YEATS2: variants seen among roughly 807,000 people sequenced by gnomAD.
YEATS2 encodes YEATS domain containing 2.
Under a neutral mutation model 163.2 loss-of-function variants are expected in YEATS2, and 77 were observed. The observed-to-expected ratio is 0.47, with a 90% CI of 0.39 to 0.57. The LOEUF (loss-of-function observed/expected upper bound fraction) is 0.57. YEATS2 is among the 20% of genes least tolerant of loss of function. The probability of loss-of-function intolerance (pLI) is 0.00; values close to 1 mark genes in which losing one functional copy is unlikely to be tolerated. For synonymous variants in YEATS2, 631 were observed against 645.1 expected (o/e 0.98, Z 0.33); for missense variants, 1,549 against 1,729.8 (o/e 0.90, Z 1.85).
chr3:183,795,483 T>TTTTTA (rs146253574), intron 21 of YEATS2, among the ~76,000 whole-genome samples: 1,310 of 123,950 alleles, frequency 0.011, 134 homozygotes, highest in South Asian at 0.015. Context: ...TTTTTTTTTT[T>TTTTTA]AGAGACGGGG....
At chr3:183,764,368 T>TAAAAAAA (rs11452949) in intron 15 of YEATS2, among the ~76,000 whole-genome samples, 2 of 105,228 alleles carry the variant, frequency 1.9e-5, no homozygotes, top group African/African-American at 3.7e-5. Context: ...AAACTCTGTT[T>TAAAAAAA]AAAAAAAAAA....
chr3:183,717,279 C>G (rs1175420632), intron 2 of YEATS2, among the ~76,000 whole-genome samples: 1 of 152,188 alleles, frequency 6.6e-6, no homozygotes, highest in Non-Finnish European at 1.5e-5. Context: ...TCTCTTTAGT[C>G]TCTCTCAGTC....
At chr3:183,700,885 G>A (rs940777373) in intron 1 of YEATS2, among the ~76,000 whole-genome samples, 6 of 151,858 alleles carry the variant, frequency 4.0e-5, no homozygotes, top group African/African-American at 1.5e-4. Context: ...AGTTGCCAGG[G>A]GGATGAAGGG....
chr3:183,786,701 G>A (rs1483796957), intron 20 of YEATS2, among the ~76,000 whole-genome samples: 1 of 152,142 alleles, frequency 6.6e-6, no homozygotes, highest in East Asian at 1.9e-4. Flanking sequence ...CTGATGCTTA[G>A]CATTACAGTG....
intron 30 of YEATS2, chr3:183,809,493 A>T: frequency 4.8e-6 from 1 of 206,610 alleles, no homozygotes; most frequent in Non-Finnish European, 9.7e-6. Context: ...GTCAGACACG[A>T]GGGCCAAGCG....
At chr3:183,758,169 C>T (rs1228366120) in intron 12 of YEATS2, among the ~76,000 whole-genome samples, 1 of 152,142 alleles carries the variant, frequency 6.6e-6, no homozygotes, top group Non-Finnish European at 1.5e-5. Flanking sequence ...AGCAGCCTGG[C>T]TAACATGGCG....
chr3:183,701,923 C>T (rs986129498), intron 1 of YEATS2, among the ~76,000 whole-genome samples: 2 of 152,096 alleles, frequency 1.3e-5, no homozygotes, highest in South Asian at 2.1e-4. Context: ...GATAAACAGC[C>T]CTTGCCTAGA....
At chr3:183,788,571 C>A (rs1399235269) in intron 20 of YEATS2, among the ~76,000 whole-genome samples, 1 of 152,178 alleles carries the variant, frequency 6.6e-6, no homozygotes, top group Non-Finnish European at 1.5e-5. Flanking sequence ...TAGGTTGATT[C>A]CAAATCTTGG....
intron 11 of YEATS2, among the ~76,000 whole-genome samples, chr3:183,754,820 A>T (rs528088913): frequency 6.6e-6 from 1 of 152,154 alleles, no homozygotes; most frequent in Non-Finnish European, 1.5e-5. Context: ...ATTCATTCCT[A>T]TTGTCAGTAG....
intron 7 of YEATS2, among the ~76,000 whole-genome samples, chr3:183,730,087 TG>T: frequency 2.2e-5 from 2 of 89,970 alleles, no homozygotes; most frequent in Non-Finnish European, 4.1e-5. Flanking sequence ...TTTTTTTTTT[TG>T]GAGACACATC....
intron 8 of YEATS2, among the ~76,000 whole-genome samples, chr3:183,740,858 T>C (rs1256407861): frequency 6.6e-6 from 1 of 152,226 alleles, no homozygotes; most frequent in Non-Finnish European, 1.5e-5. Context: ...TCTAGGACTT[T>C]CATAGCTAGA....
intron 3 of YEATS2, among the ~76,000 whole-genome samples, chr3:183,718,164 C>T (rs942185069): frequency 1.2e-4 from 18 of 152,100 alleles, no homozygotes; most frequent in African/African-American, 4.3e-4. Flanking sequence ...GAATATCTTA[C>T]GTGTCCCATA....
chr3:183,798,376 C>CA (rs773254419), intron 22 of YEATS2, among the ~76,000 whole-genome samples: 3 of 152,148 alleles, frequency 2.0e-5, no homozygotes, highest in Non-Finnish European at 4.4e-5. Context: ...TCTTTTGAGA[C>CA]AGAGTTTTGC....
At chr3:183,810,097 G>A (rs536997081) in intron 30 of YEATS2, 161 of 205,036 alleles carry the variant, frequency 7.9e-4, no homozygotes, top group Non-Finnish European at 1.2e-3. Context: ...CTGGCCTGGC[G>A]TGGCTCCGTC....
intron 19 of YEATS2, among the ~76,000 whole-genome samples, chr3:183,782,208 C>G (rs981346615): frequency 5.3e-5 from 8 of 152,014 alleles, no homozygotes; most frequent in African/African-American, 1.7e-4. Flanking sequence ...CTCCCGGGTT[C>G]AAGCGATTCT....
chr3:183,793,607 TTC>T (rs1210312997), intron 21 of YEATS2: 3 of 203,450 alleles, frequency 1.5e-5, no homozygotes, highest in African/African-American at 5.8e-5. Context: ...TTTTCTTTCT[TTC>T]TTTTTTTTTT....
chr3:183,722,606 T>G (rs80152152), intron 5 of YEATS2, among the ~76,000 whole-genome samples: 6,754 of 150,646 alleles, frequency 0.045, 385 homozygotes, highest in East Asian at 0.15. Context: ...AAATCTTGAT[T>G]TGGTTTTACT....
At position 183,790,565 on chromosome 3, in the gene YEATS2, A is replaced by T. The variant is rs548146685; in HGVS notation, c.2914-232A>T. Among the ~76,000 whole-genome samples, 59 of 152,218 alleles carry T rather than the reference A, an allele frequency of 3.9e-4. 1 individual carries two copies. The highest frequency in any genetic ancestry group is 1.4e-3 in the African/African-American group (57 of 41,452). On this transcript the variant is annotated intron_variant, in intron 20 of 30. Coordinates refer to ENST00000305135, the MANE Select transcript of YEATS2 (RefSeq NM_018023.5). Reference sequence around the variant, plus strand: ...GAATTTTAAAAATATGATGACCCCCATGATACTTCCTTGTTTTAAATTTTT... The same window carrying T: ...GAATTTTAAAAATATGATGACCCCCTTGATACTTCCTTGTTTTAAATTTTT...
At chr3:183,796,344 T>C (rs755867693) in intron 21 of YEATS2, among the ~76,000 whole-genome samples, 10 of 151,816 alleles carry the variant, frequency 6.6e-5, no homozygotes, top group Non-Finnish European at 1.0e-4. Flanking sequence ...GTTTGTGCCT[T>C]GTATGCTCCT....
Sources: gnomAD v4.1 joint callset for allele counts (sites outside exome capture counted in the v4.1 genomes callset) on GRCh38, gnomAD v4.1.1 for gene constraint, MANE v1.5 for transcripts, NCBI Gene and HGNC (gene_info 2026-07-23, HGNC 2026-07-21) for gene names.